The following SUGCT variants were observed in gnomAD, a reference collection of about 807,000 sequenced individuals.
SUGCT encodes succinyl-CoA:glutarate CoA-transferase.
A neutral mutation model predicts 55.0 loss-of-function variants in SUGCT; 41 were observed. The observed-to-expected ratio is 0.74, with a 90% CI of 0.58 to 0.97. The LOEUF is 0.97. Among genes scored for constraint, SUGCT ranks in the 50% least tolerant of loss-of-function variants. The pLI, the probability that SUGCT is intolerant of heterozygous loss-of-function variation, is 0.00. For synonymous variants in SUGCT, 187 were observed against 200.4 expected (o/e 0.93, Z 0.56); for missense variants, 568 against 547.8 (o/e 1.04, Z -0.37).
At chr7:40,910,273 T>G in the SUGCT span, among the ~76,000 whole-genome samples, 4,123 of 151,832 alleles carry the variant, frequency 0.027, 170 homozygotes, top group African/African-American at 0.094. Flanking sequence ...TAAGACCAGG[T>G]ATGACAGATG....
intron 12 of SUGCT, among the ~76,000 whole-genome samples, chr7:40,525,239 A>C (rs1793736741): frequency 6.6e-6 from 1 of 152,154 alleles, no homozygotes; most frequent in South Asian, 2.1e-4. Context: ...TTGGAGAGGG[A>C]TGAAGAAGAG....
intron 6 of SUGCT, among the ~76,000 whole-genome samples, chr7:40,225,459 G>T (rs1469977846): frequency 6.7e-6 from 1 of 149,396 alleles, no homozygotes; most frequent in African/African-American, 2.5e-5. Flanking sequence ...TTTTGAGGTG[G>T]GGAGTCTTAC....
intron 8 of SUGCT, among the ~76,000 whole-genome samples, chr7:40,276,741 G>A (rs1402834972): frequency 6.6e-6 from 1 of 152,028 alleles, no homozygotes; most frequent in Admixed American, 6.6e-5. Context: ...GCACAGTGAC[G>A]GCAAACTCAT....
At chr7:40,661,073 C>T (rs1161932929) in intron 12 of SUGCT, among the ~76,000 whole-genome samples, 2 of 152,134 alleles carry the variant, frequency 1.3e-5, no homozygotes, top group Admixed American at 1.3e-4. Context: ...AATTTACAAC[C>T]AAAAGTGTGA....
chr7:40,538,703 G>A (rs1270520364), intron 12 of SUGCT: 2 of 152,170 alleles, frequency 1.3e-5, no homozygotes, highest in Non-Finnish European at 2.9e-5. Context: ...TTTTTTTAAA[G>A]AAATGTTTCT....
chr7:40,600,548 G>T (rs1458645652), intron 12 of SUGCT, among the ~76,000 whole-genome samples: 1 of 152,152 alleles, frequency 6.6e-6, no homozygotes, highest in Admixed American at 6.5e-5. Flanking sequence ...AACAAGTTCT[G>T]TTCATTTTTC....
At chr7:40,920,843 G>T in the SUGCT span, among the ~76,000 whole-genome samples, 1 of 152,202 alleles carries the variant, frequency 6.6e-6, no homozygotes, top group African/African-American at 2.4e-5. Flanking sequence ...CAAGTTTAAG[G>T]TTTAAATACT....
intron 12 of SUGCT, among the ~76,000 whole-genome samples, chr7:40,620,144 G>C (rs1287329112): frequency 6.6e-6 from 1 of 152,182 alleles, no homozygotes; most frequent in Non-Finnish European, 1.5e-5. Context: ...CATGATGTCA[G>C]GGATGTACCT....
chr7:40,249,339 ATATAT>A (rs1790181614), intron 7 of SUGCT, among the ~76,000 whole-genome samples: 8 of 131,996 alleles, frequency 6.1e-5, no homozygotes, highest in African/African-American at 2.0e-4. Flanking sequence ...ATATATATAT[ATATAT>A]ATAATTATAT....
At chr7:40,411,341 C>G (rs529055466) in intron 9 of SUGCT, among the ~76,000 whole-genome samples, 5 of 152,134 alleles carry the variant, frequency 3.3e-5, no homozygotes, top group African/African-American at 1.2e-4. Flanking sequence ...TGCAGTGAGC[C>G]GAGATCGTGC....
chr7:40,592,940 G>A (rs970342966), intron 12 of SUGCT, among the ~76,000 whole-genome samples: 1 of 152,150 alleles, frequency 6.6e-6, no homozygotes, highest in Admixed American at 6.5e-5. Context: ...TGCATCAAAA[G>A]GCTGTCTAAA....
At chr7:40,578,956 T>G (rs1352778561) in intron 12 of SUGCT, among the ~76,000 whole-genome samples, 6 of 152,204 alleles carry the variant, frequency 3.9e-5, no homozygotes, top group African/African-American at 1.4e-4. Flanking sequence ...TTCTCAGAAG[T>G]GTCTAGAACA....
chr7:40,235,156 A>T (rs1444236737), intron 6 of SUGCT, among the ~76,000 whole-genome samples: 1 of 151,660 alleles, frequency 6.6e-6, no homozygotes, highest in Admixed American at 6.6e-5. Context: ...AATTATTTTA[A>T]TTCCTTCATA....
At chr7:40,303,117 T>C (rs985808848) in intron 8 of SUGCT, among the ~76,000 whole-genome samples, 1 of 151,948 alleles carries the variant, frequency 6.6e-6, no homozygotes, top group African/African-American at 2.4e-5. Context: ...CACTGCAACC[T>C]CCGCCTCCCG....
chr7:40,235,238 G>A (rs546138854), intron 6 of SUGCT, among the ~76,000 whole-genome samples: 4 of 152,182 alleles, frequency 2.6e-5, no homozygotes, highest in South Asian at 2.1e-4. Flanking sequence ...TTCTGGTGGC[G>A]AATGCATCTG....
rs556181057 is a variant in SUGCT at position 40,514,467 on chromosome 7, G to C, written c.1089+18081G>C. Among the ~76,000 whole-genome samples, 5 of 152,156 alleles carry C rather than the reference G, an allele frequency of 3.3e-5. No homozygotes were observed. The South Asian group carries it at 1.0e-3, about 32-fold the overall frequency. ...CTCATGCCTGTAATCCCAGCACTTT[G>C]AGAGGCCGAGGAGGCTGGATCATCT... is the stretch of plus-strand genomic sequence containing the variant. On this transcript the variant is annotated intron_variant, in intron 12 of 13. Transcript: ENST00000335693.
chr7:41,036,944 C>G, the SUGCT span, among the ~76,000 whole-genome samples: 3 of 152,202 alleles, frequency 2.0e-5, no homozygotes, highest in African/African-American at 4.8e-5. Context: ...GAGTCTAATT[C>G]ACAGACTCTA....
Position 40,496,298 on chromosome 7 carries a change from T to A in SUGCT, c.1001T>A (p.Leu334Gln). 6.2e-7 allele frequency: 1 copy of A among 1,612,062 alleles called. No individual in the cohort carries two copies. Among genetic ancestry groups the A allele is most frequent in the Non-Finnish European group, 8.5e-7 (1 of 1,178,864 alleles). ...KILSERFEEE[L>Q]TSKWLYLFEG... ...TGTCTTCTTAGGTTTGAAGAAGAACTGACCAGCAAGTGGTTATATCTTTTT... is the reference window on the plus strand; with the variant it reads ...TGTCTTCTTAGGTTTGAAGAAGAACAGACCAGCAAGTGGTTATATCTTTTT... Residue 334 changes from leucine (L) to glutamine (Q), a missense_variant, in exon 12 of 14, where the codon CTG becomes CAG. Transcript: ENST00000335693.
chr7:40,777,372 T>G (rs991858835), intron 13 of SUGCT, among the ~76,000 whole-genome samples: 1 of 152,100 alleles, frequency 6.6e-6, no homozygotes, highest in African/African-American at 2.4e-5. Flanking sequence ...GCCATGAGTT[T>G]CTATTGTAGT....
Sources: allele counts gnomAD v4.1 joint callset (sites outside exome capture counted in the v4.1 genomes callset), GRCh38; gene constraint gnomAD v4.1.1; transcripts MANE v1.5; gene names NCBI Gene and HGNC (gene_info 2026-07-23, HGNC 2026-07-21).